The following GRIN3A variants were observed in gnomAD, a reference collection of about 807,000 sequenced individuals.
The protein encoded by GRIN3A is glutamate receptor ionotropic, NMDA 3A.
In GRIN3A, 47 loss-of-function variants were observed where a neutral mutation model predicts 92.4. The observed-to-expected ratio is 0.51, with a 90% CI of 0.40 to 0.65. GRIN3A has a LOEUF of 0.65. Among genes scored for constraint, GRIN3A ranks in the 30% least tolerant of loss-of-function variants. The pLI is 0.00. For missense variants in GRIN3A, 1,324 were observed against 1,393.1 expected (o/e 0.95, Z 0.79); for synonymous variants, 527 against 540.6 (o/e 0.97, Z 0.35).
intron 3 of GRIN3A, among the ~76,000 whole-genome samples, chr9:101,645,677 G>A (rs1287115912): frequency 2.0e-5 from 3 of 147,742 alleles, no homozygotes; most frequent in African/African-American, 7.4e-5. Context: ...ATCCTTGATG[G>A]CATATATATA....
At chr9:101,693,252 T>C in intron 1 of GRIN3A, among the ~76,000 whole-genome samples, 1 of 94,496 alleles carries the variant, frequency 1.1e-5, no homozygotes, top group East Asian at 2.2e-4. Flanking sequence ...AAAATATATA[T>C]ATATATATAT....
At position 101,650,448 on chromosome 9, in the gene GRIN3A, C is replaced by T. The variant is rs114786803; in HGVS notation, c.2352+19612G>A. Among the ~76,000 whole-genome samples, 919 of 152,032 alleles carry T rather than the reference C, an allele frequency of 6.0e-3. 10 individuals are homozygous for T. The highest frequency in any genetic ancestry group is 0.021 in the African/African-American group (864 of 41,492). On this transcript the variant is annotated intron_variant, in intron 3 of 8. Transcript: ENST00000361820. ...GTTATCACCATGAGAAGGACATGCC[C>T]GAATGAGTGTGTTGGAGGATAAGAC...
At chr9:101,668,155 G>A (rs988007930) in intron 3 of GRIN3A, among the ~76,000 whole-genome samples, 6 of 151,858 alleles carry the variant, frequency 4.0e-5, no homozygotes, top group African/African-American at 9.7e-5. Context: ...ATTTCTTTTT[G>A]CTTAAAAATA....
chr9:101,574,541 C>A (rs1827803970), intron 8 of GRIN3A, among the ~76,000 whole-genome samples: 1 of 152,100 alleles, frequency 6.6e-6, no homozygotes, highest in Non-Finnish European at 1.5e-5. Context: ...CTCTTACTTG[C>A]CAGGAGAAGG....
chr9:101,725,598 G>A (rs1301603497), intron 1 of GRIN3A, among the ~76,000 whole-genome samples: 2 of 152,166 alleles, frequency 1.3e-5, no homozygotes, highest in East Asian at 1.9e-4. Context: ...CACACACAAA[G>A]AGATAAATTC....
intron 2 of GRIN3A, among the ~76,000 whole-genome samples, chr9:101,678,503 A>G (rs1332552481): frequency 2.6e-5 from 4 of 152,168 alleles, no homozygotes; most frequent in Non-Finnish European, 5.9e-5. Context: ...CTTTTAAAAA[A>G]TATTTCTATC....
In GRIN3A at chr9:101,613,492, T is replaced by G; in HGVS notation, c.2650A>C (p.Thr884Pro). 1 of 1,614,186 alleles carries G rather than the reference T, an allele frequency of 6.2e-7. No homozygotes were observed. Among genetic ancestry groups the G allele is most frequent in the South Asian group, 1.1e-5 (1 of 91,088 alleles). The change falls in exon 6 of 9, where the codon ACC (threonine) becomes CCC (proline). Residue 884 changes from threonine to proline, a missense_variant. Thr to Pro is a conservative substitution (Grantham distance 38, BLOSUM62 -1). Transcript: ENST00000361820. ...CTGATTAGCTCGGATATGTTGGCGG[T>G]CAATGGAGAGTTGGGTGGGAGGCCA... ...GIGLPPNSPL[T>P]ANISELISQY...
chr9:101,695,042 T>C (rs946279844), intron 1 of GRIN3A, among the ~76,000 whole-genome samples: 5 of 152,228 alleles, frequency 3.3e-5, no homozygotes, highest in Non-Finnish European at 7.3e-5. Flanking sequence ...GAAAACCATT[T>C]TCCTCTTTTG....
intron 6 of GRIN3A, among the ~76,000 whole-genome samples, chr9:101,585,389 C>T (rs1319416140): frequency 6.6e-6 from 1 of 152,176 alleles, no homozygotes; most frequent in East Asian, 1.9e-4. Flanking sequence ...AAATACCACC[C>T]AGATGTCAAT....
Position 101,730,708 on chromosome 9 carries a change from A to T in GRIN3A, c.699+6573T>A, listed in dbSNP as rs556305249. Among the ~76,000 whole-genome samples, 66 of 152,248 alleles carry T rather than the reference A, an allele frequency of 4.3e-4. No individual in the cohort carries two copies. In the South Asian group the frequency reaches 5.0e-3, roughly 12 times the overall value. ...CTCACAAAGTAACTGTGAGGAAAAA[A>T]TTATAAAAGAGATGAGAGAGGGCTT... is the stretch of plus-strand genomic sequence containing the variant. On this transcript the variant is annotated intron_variant, in intron 1 of 8. Coordinates refer to ENST00000361820, the MANE Select transcript of GRIN3A (RefSeq NM_133445.3).
At chr9:101,603,822 C>T (rs1208142891) in intron 6 of GRIN3A, among the ~76,000 whole-genome samples, 1 of 152,224 alleles carries the variant, frequency 6.6e-6, no homozygotes, top group Non-Finnish European at 1.5e-5. Flanking sequence ...AATTGCATTG[C>T]TTACAATTTC....
intron 3 of GRIN3A, among the ~76,000 whole-genome samples, chr9:101,640,467 G>A (rs891937204): frequency 6.6e-6 from 1 of 152,216 alleles, no homozygotes; most frequent in African/African-American, 2.4e-5. Flanking sequence ...ATGAGGATTA[G>A]TGAGATTAAG....
intron 3 of GRIN3A, among the ~76,000 whole-genome samples, chr9:101,662,818 A>G (rs1439181235): frequency 1.3e-5 from 2 of 151,720 alleles, no homozygotes; most frequent in African/African-American, 4.8e-5. Flanking sequence ...CTTTTAACCC[A>G]ATTTTTATAG....
chr9:101,712,745 G>A (rs1230125012), intron 1 of GRIN3A, among the ~76,000 whole-genome samples: 1 of 152,010 alleles, frequency 6.6e-6, no homozygotes, highest in African/African-American at 2.4e-5. Context: ...ACCAGCTAGT[G>A]GAAACAGAAT....
chr9:101,643,282 A>G (rs988158265), intron 3 of GRIN3A, among the ~76,000 whole-genome samples: 8 of 152,182 alleles, frequency 5.3e-5, no homozygotes, highest in Admixed American at 6.5e-5. Flanking sequence ...ACAAATAGCC[A>G]CAAAGTATAT....
In GRIN3A at chr9:101,684,650, A is replaced by G. The variant is rs533277127; in HGVS notation, c.1304+1946T>C. ...AATATAAATTAAATCTTGAGGAGCCAGAAAGATCAGTCTGATCTTGGTAAA... is the reference window on the plus strand; with the variant it reads ...AATATAAATTAAATCTTGAGGAGCCGGAAAGATCAGTCTGATCTTGGTAAA... On this transcript the variant is annotated intron_variant, in intron 2 of 8. Coordinates refer to ENST00000361820, the MANE Select transcript of GRIN3A (RefSeq NM_133445.3). Among the ~76,000 whole-genome samples, 4 of 152,332 alleles carry G rather than the reference A, an allele frequency of 2.6e-5. No homozygotes were observed. In the South Asian group the frequency reaches 8.3e-4, roughly 32 times the overall value.
At chr9:101,720,619 C>T (rs1249353147) in intron 1 of GRIN3A, among the ~76,000 whole-genome samples, 1 of 152,148 alleles carries the variant, frequency 6.6e-6, no homozygotes, top group Non-Finnish European at 1.5e-5. Flanking sequence ...GAACAGATAA[C>T]ATTGTTTCAA....
intron 2 of GRIN3A, among the ~76,000 whole-genome samples, chr9:101,679,568 A>G (rs1031347743): frequency 1.3e-5 from 2 of 152,250 alleles, no homozygotes; most frequent in Admixed American, 1.3e-4. Flanking sequence ...CAGCCAGATC[A>G]TTCGGCTGAC....
At chr9:101,623,999 G>C (rs1327692134) in intron 4 of GRIN3A, among the ~76,000 whole-genome samples, 1 of 152,172 alleles carries the variant, frequency 6.6e-6, no homozygotes. Context: ...GGAAATAACT[G>C]TCTAAAATAC....
Sources: allele counts gnomAD v4.1 joint callset (sites outside exome capture counted in the v4.1 genomes callset), GRCh38; gene constraint gnomAD v4.1.1; transcripts MANE v1.5; gene names NCBI Gene and HGNC (gene_info 2026-07-23, HGNC 2026-07-21).